The following CNTNAP2 variants were observed in gnomAD, a reference collection of about 807,000 sequenced individuals.
CNTNAP2 encodes contactin-associated protein-like 2.
CNTNAP2 carries 98 observed loss-of-function variants against 155.2 expected under a neutral mutation model. The ratio of observed to expected loss-of-function variants is 0.63; its 90% confidence interval spans 0.54 to 0.75. The LOEUF is 0.75. Among genes scored for constraint, CNTNAP2 ranks in the 30% least tolerant of loss-of-function variants. CNTNAP2 has a pLI of 0.00. For synonymous variants in CNTNAP2, 651 were observed against 631.2 expected (o/e 1.03, Z -0.47); for missense variants, 1,727 against 1,688.1 (o/e 1.02, Z -0.40).
intron 8 of CNTNAP2, chr7:147,167,313 A>G: frequency 2.1e-6 from 1 of 471,276 alleles, no homozygotes; most frequent in Non-Finnish European, 3.6e-6. Context: ...CTTCTTGACA[A>G]GATGGTGCTA....
At chr7:147,740,680 A>C (rs867983979) in intron 13 of CNTNAP2, among the ~76,000 whole-genome samples, 1 of 152,232 alleles carries the variant, frequency 6.6e-6, no homozygotes, top group Non-Finnish European at 1.5e-5. Flanking sequence ...CACTTCCTCA[A>C]ATTGTTTTTG....
intron 1 of CNTNAP2, among the ~76,000 whole-genome samples, chr7:146,675,412 A>G (rs906906816): frequency 6.6e-6 from 1 of 152,168 alleles, no homozygotes. Context: ...CAATCTTACT[A>G]GTTTCAAGCC....
intron 8 of CNTNAP2, among the ~76,000 whole-genome samples, chr7:147,271,095 TAA>T (rs1337800564): frequency 1.3e-5 from 2 of 152,208 alleles, no homozygotes; most frequent in African/African-American, 4.8e-5. Context: ...ACGTAGAATT[TAA>T]GTTTTTAAAA....
intron 12 of CNTNAP2, among the ~76,000 whole-genome samples, chr7:147,608,055 TA>T (rs1282291491): frequency 6.6e-6 from 1 of 152,162 alleles, no homozygotes; most frequent in Non-Finnish European, 1.5e-5. Context: ...TAAAATTTGT[TA>T]TTCATCTTCA....
chr7:147,808,766 T>C (rs1798133034), intron 13 of CNTNAP2, among the ~76,000 whole-genome samples: 1 of 152,230 alleles, frequency 6.6e-6, no homozygotes, highest in African/African-American at 2.4e-5. Flanking sequence ...AAAGTCCTTA[T>C]TGACTATCCC....
chr7:147,857,644 T>C (rs1217772357), intron 13 of CNTNAP2, among the ~76,000 whole-genome samples: 1 of 152,224 alleles, frequency 6.6e-6, no homozygotes, highest in Non-Finnish European at 1.5e-5. Flanking sequence ...TGATTCTTGA[T>C]GCTGATTGAG....
intron 1 of CNTNAP2, among the ~76,000 whole-genome samples, chr7:146,406,871 C>T: frequency 6.6e-6 from 1 of 152,202 alleles, no homozygotes; most frequent in East Asian, 1.9e-4. Flanking sequence ...GTGAAGGCAT[C>T]TTCCACAGGC....
intron 3 of CNTNAP2, among the ~76,000 whole-genome samples, chr7:146,884,119 G>A (rs903252399): frequency 5.9e-5 from 9 of 152,036 alleles, no homozygotes; most frequent in African/African-American, 1.4e-4. Context: ...TTCCAGGACC[G>A]TCTGCCTATA....
intron 1 of CNTNAP2, among the ~76,000 whole-genome samples, chr7:146,226,678 C>T (rs1181191525): frequency 6.6e-6 from 1 of 151,816 alleles, no homozygotes; most frequent in Admixed American, 6.6e-5. Context: ...AGAAACAAAA[C>T]AAAACAAAAC....
intron 1 of CNTNAP2, among the ~76,000 whole-genome samples, chr7:146,304,787 C>A (rs1444232478): frequency 6.6e-6 from 1 of 151,976 alleles, no homozygotes; most frequent in African/African-American, 2.4e-5. Flanking sequence ...TTGTGGAATT[C>A]TCTGTATTTC....
At chr7:146,163,083 C>G (rs940959987) in intron 1 of CNTNAP2, among the ~76,000 whole-genome samples, 1 of 152,002 alleles carries the variant, frequency 6.6e-6, no homozygotes, top group Non-Finnish European at 1.5e-5. Context: ...GTGCAGCACA[C>G]CAACATGGCA....
intron 13 of CNTNAP2, among the ~76,000 whole-genome samples, chr7:147,834,504 C>T (rs765556853): frequency 1.3e-5 from 2 of 152,110 alleles, no homozygotes; most frequent in African/African-American, 2.4e-5. Context: ...TGTCTTTCTT[C>T]TCCTTTTATA....
chr7:146,777,131 A>G (rs575783021), intron 2 of CNTNAP2, among the ~76,000 whole-genome samples: 1 of 152,280 alleles, frequency 6.6e-6, no homozygotes, highest in South Asian at 2.1e-4. Flanking sequence ...GACCATTGAT[A>G]TACTGGATTG....
At chr7:146,951,601 T>A (rs1797314468) in intron 3 of CNTNAP2, among the ~76,000 whole-genome samples, 1 of 152,142 alleles carries the variant, frequency 6.6e-6, no homozygotes, top group African/African-American at 2.4e-5. Flanking sequence ...GATCCGATGG[T>A]TGTAGATGTG....
chr7:146,313,473 C>A (rs892726118), intron 1 of CNTNAP2, among the ~76,000 whole-genome samples: 1 of 152,052 alleles, frequency 6.6e-6, no homozygotes, highest in Non-Finnish European at 1.5e-5. Context: ...GTATAGTTTG[C>A]GAATATTTTC....
intron 18 of CNTNAP2, among the ~76,000 whole-genome samples, chr7:148,210,135 C>G (rs986003944): frequency 6.6e-6 from 1 of 152,120 alleles, no homozygotes; most frequent in Non-Finnish European, 1.5e-5. Context: ...GGTAGGGGGG[C>G]CTTTAAGATG....
At chr7:146,889,300 T>C (rs143316130) in intron 3 of CNTNAP2, among the ~76,000 whole-genome samples, 16 of 152,296 alleles carry the variant, frequency 1.1e-4, no homozygotes, top group Non-Finnish European at 1.6e-4. Flanking sequence ...AAAATATGTG[T>C]AAATCTTCTT....
chr7:147,335,568 C>T (rs904686858), intron 9 of CNTNAP2, among the ~76,000 whole-genome samples: 1 of 151,846 alleles, frequency 6.6e-6, no homozygotes, highest in Non-Finnish European at 1.5e-5. Flanking sequence ...AATGATTGAA[C>T]AAAAGAATAG....
At chr7:147,768,515 A>T (rs1265471649) in intron 13 of CNTNAP2, among the ~76,000 whole-genome samples, 2 of 152,064 alleles carry the variant, frequency 1.3e-5, no homozygotes, top group Non-Finnish European at 2.9e-5. Context: ...ATAGAAGAAT[A>T]CTTTTTTATT....
Sources: allele counts gnomAD v4.1 joint callset (sites outside exome capture counted in the v4.1 genomes callset), GRCh38; gene constraint gnomAD v4.1.1; transcripts MANE v1.5; gene names NCBI Gene and HGNC (gene_info 2026-07-23, HGNC 2026-07-21).